Variants in NDUFAB1 observed in about 807,000 individuals in gnomAD.
NDUFAB1 encodes acyl carrier protein, mitochondrial.
Under a neutral mutation model 16.1 loss-of-function variants are expected in NDUFAB1, and 5 were observed. The ratio of observed to expected loss-of-function variants is 0.31; its 90% confidence interval spans 0.16 to 0.65. NDUFAB1 has a LOEUF of 0.65. NDUFAB1 is among the 30% of genes least tolerant of loss of function. NDUFAB1 has a pLI of 0.77. For missense variants in NDUFAB1, 187 were observed against 205.3 expected, an observed-to-expected ratio of 0.91 and a Z score of 0.54; for synonymous variants, 85 against 78.4, an observed-to-expected ratio of 1.08 and a Z score of -0.44.
chr16:23,584,224 C>G (rs1338479328), intron 3 of NDUFAB1, among the ~76,000 whole-genome samples: 1 of 77,780 alleles, frequency 1.3e-5, no homozygotes, highest in Non-Finnish European at 2.7e-5. Flanking sequence ...GCCAAATCCC[C>G]CTCTGCGAGA....
At chr16:23,595,770 T>C (rs1340967850) in intron 1 of NDUFAB1, 1 of 472,070 alleles carries the variant, frequency 2.1e-6, no homozygotes, top group African/African-American at 2.0e-5. Flanking sequence ...CCGTACGAGG[T>C]GCTCTAGCCG....
intron 1 of NDUFAB1, among the ~76,000 whole-genome samples, chr16:23,590,722 T>C (rs1394601380): frequency 6.7e-6 from 1 of 149,126 alleles, no homozygotes. Flanking sequence ...CCACAACTTC[T>C]GCCTCCCAGG....
chr16:23,583,329 G>A (rs1263969409), intron 3 of NDUFAB1, among the ~76,000 whole-genome samples: 2 of 152,014 alleles, frequency 1.3e-5, no homozygotes, highest in Non-Finnish European at 2.9e-5. Flanking sequence ...TCTAGGAAGT[G>A]AGGAGCGTCT....
At chr16:23,584,617 C>A (rs75041958) in intron 3 of NDUFAB1, among the ~76,000 whole-genome samples, 1 of 152,126 alleles carries the variant, frequency 6.6e-6, no homozygotes, top group Admixed American at 6.6e-5. Flanking sequence ...TTATCACCCC[C>A]ACTTTACAGC....
In NDUFAB1 at chr16:23,583,700, CCG is replaced by C. The variant is rs1310962551; in HGVS notation, c.380-1327_380-1326del. Among the ~76,000 whole-genome samples the C allele has an allele frequency of 3.4e-4, 51 of 148,368 alleles. 2 individuals carry two copies. The highest frequency in any genetic ancestry group is 1.2e-3 in the African/African-American group (49 of 39,342). On this transcript the variant is annotated intron_variant, in intron 3 of 4. Coordinates refer to ENST00000007516, the MANE Select transcript of NDUFAB1 (RefSeq NM_005003.3). ...AGTGAGGAGCCCCTCTGCCCGGCAG[CCG>C]CCCCGTCTGGGAAGTGAGGAGCGTC...
intron 1 of NDUFAB1, among the ~76,000 whole-genome samples, chr16:23,594,642 G>A (rs111638350): frequency 8.0e-5 from 12 of 149,796 alleles, no homozygotes; most frequent in African/African-American, 2.9e-4. Flanking sequence ...ATAAGCCACC[G>A]CGCCCGGCCT....
Position 23,581,056 on chromosome 16 carries a change from T to C in NDUFAB1, c.*126A>G, listed in dbSNP as rs1390805194. 2 of 152,638 alleles carry C rather than the reference T, an allele frequency of 1.3e-5. No individual in the cohort carries two copies. The highest frequency in any genetic ancestry group is 3.8e-4 in the East Asian group (2 of 5,204). The allele number at this position is 152,638 out of a possible 1,614,324, so 9.5% of individuals were successfully genotyped here. The stretch of plus-strand genomic sequence containing the variant: ...TTTTCAAAGAGTAAAACACATACAA[T>C]TTAAATACAAGTCCATCAGAATCAC... On this transcript the variant is annotated 3_prime_UTR_variant, in exon 5 of 5. Coordinates refer to ENST00000007516, the MANE Select transcript of NDUFAB1 (RefSeq NM_005003.3).
In NDUFAB1 at chr16:23,581,017, G is replaced by T. The variant is rs1238707466; in HGVS notation, c.*165C>A. On this transcript the variant is annotated 3_prime_UTR_variant, in exon 5 of 5. Transcript: ENST00000007516. ...AAACTGAAGATGGGGGAAAATGTTG[G>T]TTTTATAGATTTATTTTCAAAGAGT... 3 of 152,502 alleles carry T rather than the reference G, an allele frequency of 2.0e-5. No homozygotes were observed. Among genetic ancestry groups the T allele is most frequent in the South Asian group, 4.2e-4 (2 of 4,810 alleles). 9.4% of individuals were successfully genotyped at this position (152,502 alleles called of 1,614,324 possible).
At chr16:23,588,490 T>C (rs1403453445) in intron 1 of NDUFAB1, among the ~76,000 whole-genome samples, 3 of 152,048 alleles carry the variant, frequency 2.0e-5, no homozygotes, top group Non-Finnish European at 4.4e-5. Flanking sequence ...TAATCTAAAT[T>C]GGTTTGTTTA....
chr16:23,590,368 G>A (rs1449540607), intron 1 of NDUFAB1, among the ~76,000 whole-genome samples: 2 of 152,066 alleles, frequency 1.3e-5, no homozygotes, highest in African/African-American at 2.4e-5. Context: ...TTTGGCCTTG[G>A]GTGGGTTACT....
At chr16:23,589,905 C>T in intron 1 of NDUFAB1, among the ~76,000 whole-genome samples, 1 of 141,112 alleles carries the variant, frequency 7.1e-6, no homozygotes, top group Non-Finnish European at 1.5e-5. Flanking sequence ...CTCTACACTC[C>T]AGCCTGGGCG....
At chr16:23,588,464 AAAAG>A (rs368457384) in intron 1 of NDUFAB1, among the ~76,000 whole-genome samples, 31 of 152,244 alleles carry the variant, frequency 2.0e-4, no homozygotes, top group African/African-American at 7.2e-4. Context: ...AAAAAAAAGA[AAAAG>A]AAAGAAATCC....
intron 2 of NDUFAB1, 131 bp downstream of exon 2, chr16:23,587,066 T>G: frequency 1.2e-6 from 1 of 819,906 alleles, no homozygotes; most frequent in Non-Finnish European, 1.9e-6. Context: ...TAGCGCTGGC[T>G]ATCTCCCAGA....
At chr16:23,584,423 G>A (rs460905) in intron 3 of NDUFAB1, among the ~76,000 whole-genome samples, 11,865 of 150,704 alleles carry the variant, frequency 0.079, 516 homozygotes, top group East Asian at 0.17. Flanking sequence ...TCTTTCACTC[G>A]GCACGTTCTC....
chr16:23,582,426 T>G (rs1055975671), intron 3 of NDUFAB1, 51 bp from the exon 4 acceptor site: 1 of 1,487,766 alleles, frequency 6.7e-7, no homozygotes, highest in Non-Finnish European at 8.9e-7. Flanking sequence ...AAAAAATCCT[T>G]TAGAACTGAA....
chr16:23,596,260 TGACATAGGCTGAAAG>T lies in NDUFAB1; in HGVS notation c.16_30del (p.Leu6_Val10del). The T allele has an allele frequency of 6.3e-7, 1 of 1,589,148 alleles. No homozygotes were observed. The highest frequency in any genetic ancestry group is 8.6e-7 in the Non-Finnish European group (1 of 1,169,446). ...GGCGCAAAGGCCGCGGGCAGGCGGC[TGACATAGGCTGAAAG>T]GACACGAGACGCCATGGCTACGCCA... On this transcript the variant is annotated inframe_deletion, in exon 1 of 5. Transcript: ENST00000007516.
At chr16:23,587,383 A>T in intron 1 of NDUFAB1, 64 bp from the exon 2 acceptor site, 1 of 1,578,248 alleles carries the variant, frequency 6.3e-7, no homozygotes, top group Non-Finnish European at 8.6e-7. Flanking sequence ...TCAATGCACA[A>T]GCCTATAGGT....
chr16:23,594,214 C>T (rs1966303486), intron 1 of NDUFAB1, among the ~76,000 whole-genome samples: 1 of 151,846 alleles, frequency 6.6e-6, no homozygotes, highest in Non-Finnish European at 1.5e-5. Flanking sequence ...CACTTTTCAC[C>T]TTTTGATACA....
intron 1 of NDUFAB1, among the ~76,000 whole-genome samples, chr16:23,590,638 C>CTTT (rs398042088): frequency 7.6e-6 from 1 of 131,834 alleles, no homozygotes. Context: ...CCTCTGGTCT[C>CTTT]TTTTTTTTTT....
Sources: allele counts gnomAD v4.1 joint callset (sites outside exome capture counted in the v4.1 genomes callset), GRCh38; gene constraint gnomAD v4.1.1; transcripts MANE v1.5; gene names NCBI Gene and HGNC (gene_info 2026-07-23, HGNC 2026-07-21).